Variants in CACNG2 observed in about 807,000 individuals in gnomAD.
CACNG2 encodes the protein voltage-dependent calcium channel gamma-2 subunit.
CACNG2 carries 3 observed loss-of-function variants against 25.9 expected under a neutral mutation model. The ratio of observed to expected loss-of-function variants is 0.12; its 90% CI spans 0.05 to 0.30. The LOEUF (loss-of-function observed/expected upper bound fraction) is 0.30. Ranked by LOEUF, CACNG2 falls within the 10% of genes least tolerant of loss-of-function variation. CACNG2 has a pLI of 1.00. For synonymous variants in CACNG2, 167 were observed against 173.3 expected (o/e 0.96, Z 0.29); for missense variants, 341 against 432.5 (o/e 0.79, Z 1.88).
At chr22:36,580,741 AC>A (rs1471905402) in intron 2 of CACNG2, among the ~76,000 whole-genome samples, 1 of 152,194 alleles carries the variant, frequency 6.6e-6, no homozygotes, top group Non-Finnish European at 1.5e-5. Context: ...GGTGCTTAAT[AC>A]ATGACTGTTG....
chr22:36,670,272 T>C (rs1936930037), intron 1 of CACNG2, among the ~76,000 whole-genome samples: 1 of 152,234 alleles, frequency 6.6e-6, no homozygotes, highest in Admixed American at 6.5e-5. Context: ...TTAGGGCCAG[T>C]TCATTTTTTG....
rs575375515 is a variant in CACNG2 at position 36,595,876 on chromosome 22, G to A, written c.212-8328C>T. On this transcript the variant is annotated intron_variant, in intron 1 of 3. Transcript: ENST00000300105. The stretch of plus-strand genomic sequence containing the variant: ...AGGCGGAAAGGCCAAGGGCTGTGCC[G>A]TGGGCTGGCACAGCTCTGGCTCAAG... Among the ~76,000 whole-genome samples, 130 of 152,378 alleles carry A rather than the reference G, an allele frequency of 8.5e-4. 1 individual carries two copies. Among genetic ancestry groups the A allele is most frequent in the South Asian group, 3.5e-3 (17 of 4,824 alleles).
intron 1 of CACNG2, among the ~76,000 whole-genome samples, chr22:36,593,820 G>A (rs897035809): frequency 6.6e-6 from 1 of 152,058 alleles, no homozygotes; most frequent in African/African-American, 2.4e-5. Flanking sequence ...GTCTCCAGGA[G>A]CACTTGGAGC....
At chr22:36,592,452 A>T (rs908460856) in intron 1 of CACNG2, among the ~76,000 whole-genome samples, 6 of 152,142 alleles carry the variant, frequency 3.9e-5, no homozygotes, top group Admixed American at 6.5e-5. Context: ...GGCTTGGGGC[A>T]GGCAGAGGTA....
chr22:36,602,467 C>A (rs941920844), intron 1 of CACNG2, among the ~76,000 whole-genome samples: 1 of 152,092 alleles, frequency 6.6e-6, no homozygotes, highest in Non-Finnish European at 1.5e-5. Context: ...CTCTCTGCAA[C>A]CTTTGCCTCC....
chr22:36,635,781 C>A (rs536617955), intron 1 of CACNG2, among the ~76,000 whole-genome samples: 2 of 152,312 alleles, frequency 1.3e-5, no homozygotes, highest in African/African-American at 4.8e-5. Flanking sequence ...ACCTCCCATC[C>A]CTCCAATGTG....
At chr22:36,579,804 G>T (rs1935383225) in intron 2 of CACNG2, among the ~76,000 whole-genome samples, 1 of 152,188 alleles carries the variant, frequency 6.6e-6, no homozygotes, top group African/African-American at 2.4e-5. Context: ...CAGGATATAT[G>T]CACCTCCCAA....
chr22:36,576,415 A>G (rs1479729302), intron 2 of CACNG2, among the ~76,000 whole-genome samples: 1 of 152,118 alleles, frequency 6.6e-6, no homozygotes, highest in Non-Finnish European at 1.5e-5. Flanking sequence ...AAGGCTACAA[A>G]TTGGGTTCAT....
At chr22:36,632,459 T>TCTCTC (rs1422835209) in intron 1 of CACNG2, among the ~76,000 whole-genome samples, 16 of 116,782 alleles carry the variant, frequency 1.4e-4, no homozygotes, top group African/African-American at 5.3e-4. Flanking sequence ...TAGGAGATTC[T>TCTCTC]CTCTCCTCTC....
At chr22:36,607,990 G>C (rs1046165976) in intron 1 of CACNG2, among the ~76,000 whole-genome samples, 1 of 152,138 alleles carries the variant, frequency 6.6e-6, no homozygotes, top group Non-Finnish European at 1.5e-5. Flanking sequence ...AAAATTTAAG[G>C]AGTCCCGTAA....
intron 1 of CACNG2, among the ~76,000 whole-genome samples, chr22:36,655,695 C>T (rs759816691): frequency 6.8e-6 from 1 of 147,664 alleles, no homozygotes; most frequent in African/African-American, 2.7e-5. Flanking sequence ...TCCTTCCTTC[C>T]TTTCTTTCTT....
chr22:36,614,349 T>C (rs928522807), intron 1 of CACNG2, among the ~76,000 whole-genome samples: 4 of 152,124 alleles, frequency 2.6e-5, no homozygotes, highest in African/African-American at 9.7e-5. Flanking sequence ...AGTTTACACA[T>C]CATTTCCTTG....
At chr22:36,651,935 C>G (rs1486368533) in intron 1 of CACNG2, among the ~76,000 whole-genome samples, 1 of 152,124 alleles carries the variant, frequency 6.6e-6, no homozygotes, top group Non-Finnish European at 1.5e-5. Context: ...GTGATCTCGG[C>G]TCACTGCAAC....
intron 2 of CACNG2, among the ~76,000 whole-genome samples, chr22:36,570,456 T>C (rs943820370): frequency 2.6e-5 from 4 of 152,132 alleles, no homozygotes; most frequent in African/African-American, 7.2e-5. Flanking sequence ...AAGAGGCCTC[T>C]TTGCCCAGAA....
intron 1 of CACNG2, among the ~76,000 whole-genome samples, chr22:36,665,968 G>A (rs930645511): frequency 2.0e-5 from 3 of 152,190 alleles, no homozygotes; most frequent in African/African-American, 4.8e-5. Context: ...ATAGCAACCC[G>A]TGTCTGTCGA....
chr22:36,609,643 T>A (rs1202602436), intron 1 of CACNG2, among the ~76,000 whole-genome samples: 1 of 87,956 alleles, frequency 1.1e-5, no homozygotes, highest in Non-Finnish European at 2.1e-5. Flanking sequence ...CAGAGCGTGA[T>A]TGGGCAGGAA....
intron 1 of CACNG2, among the ~76,000 whole-genome samples, chr22:36,690,283 G>A (rs1461964133): frequency 2.0e-5 from 3 of 152,206 alleles, no homozygotes; most frequent in Non-Finnish European, 2.9e-5. Flanking sequence ...CCTGCCGCAC[G>A]GAAGAGACAT....
chr22:36,569,588 G>A (rs1935190031), intron 2 of CACNG2, among the ~76,000 whole-genome samples: 1 of 152,176 alleles, frequency 6.6e-6, no homozygotes, highest in African/African-American at 2.4e-5. Flanking sequence ...ACCCCAGGCT[G>A]GAGTGCAGTG....
intron 1 of CACNG2, among the ~76,000 whole-genome samples, chr22:36,593,980 G>A (rs1941548052): frequency 6.6e-6 from 1 of 152,146 alleles, no homozygotes; most frequent in South Asian, 2.1e-4. Flanking sequence ...TAAGGGGAGA[G>A]TGGTGAGTGG....
Sources: gnomAD v4.1 joint callset for allele counts (sites outside exome capture counted in the v4.1 genomes callset) on GRCh38, gnomAD v4.1.1 for gene constraint, MANE v1.5 for transcripts, NCBI Gene and HGNC (gene_info 2026-07-23, HGNC 2026-07-21) for gene names.